IDUA: variants seen among roughly 807,000 people sequenced by gnomAD.
The protein encoded by IDUA is alpha-L-iduronidase, also known as iduronidase alpha-L-.
In IDUA, 65 loss-of-function variants were observed where a neutral mutation model predicts 68.9. The observed-to-expected ratio is 0.94, with a 90% CI of 0.77 to 1.16. IDUA has a LOEUF of 1.16. IDUA is among the 50% of genes most tolerant of loss of function. The pLI is 0.00. For missense variants in IDUA, 1,046 were observed against 938.0 expected (o/e 1.12, Z -1.50); for synonymous variants, 529 against 433.6 (o/e 1.22, Z -2.73).
chr4:999,104 C>G (rs1009647301), intron 2 of IDUA, among the ~76,000 whole-genome samples: 17 of 151,764 alleles, frequency 1.1e-4, no homozygotes, highest in African/African-American at 2.7e-4. Context: ...ACTCAGGAGG[C>G]TGAGGCAGGA....
intron 2 of IDUA, chr4:988,258 T>A: frequency 1.6e-6 from 2 of 1,241,604 alleles, no homozygotes; most frequent in South Asian, 4.1e-5. Flanking sequence ...GTAGGGCCAC[T>A]GCACCTGAGG....
chr4:994,266 G>A (rs939630029), intron 2 of IDUA, among the ~76,000 whole-genome samples: 76 of 151,086 alleles, frequency 5.0e-4, no homozygotes, highest in African/African-American at 1.6e-3. Context: ...ATAGTGAGAC[G>A]CCCCCCACCT....
chr4:991,547 G>C lies in IDUA; in HGVS notation c.299+3598G>C, dbSNP rs1306642390. The stretch of plus-strand genomic sequence containing the variant: ...CGCAGCCAGCGCGTGGCGGGGAGCA[G>C]GTCCTGCACCAGCGCCCGGACGCAC... On this transcript the variant is annotated intron_variant, in intron 2 of 13. Coordinates refer to ENST00000514224, the MANE Select transcript of IDUA (RefSeq NM_000203.5). 4 of 1,605,584 alleles carry C rather than the reference G, an allele frequency of 2.5e-6. No individual in the cohort carries two copies. The Admixed American group carries it at 5.0e-5, about 20-fold the overall frequency.
chr4:993,166 G>C (rs1231880473), intron 2 of IDUA: 3 of 152,256 alleles, frequency 2.0e-5, no homozygotes, highest in Admixed American at 6.5e-5. Flanking sequence ...CCAGGTGTGT[G>C]GAATGGGGAC....
chr4:990,700 A>T, intron 2 of IDUA: 1 of 414,940 alleles, frequency 2.4e-6, no homozygotes, highest in Non-Finnish European at 4.3e-6. Flanking sequence ...CTTCCTACAC[A>T]TGGTGCCCAC....
intron 6 of IDUA, 28 bp downstream of exon 6, chr4:1,001,909 G>T (rs772367502): frequency 8.9e-6 from 14 of 1,570,380 alleles, no homozygotes. Flanking sequence ...GTCCGCCCCG[G>T]TGTTCTGCGC....
intron 2 of IDUA, among the ~76,000 whole-genome samples, chr4:995,026 C>T (rs960794871): frequency 6.6e-5 from 10 of 151,560 alleles, no homozygotes; most frequent in South Asian, 4.2e-4. Context: ...GTTTGTAGCG[C>T]TTCACTCCAG....
In IDUA at chr4:991,315, C is replaced by A. The variant is rs1280992893; in HGVS notation, c.299+3366C>A. On this transcript the variant is annotated intron_variant, in intron 2 of 13. Transcript: ENST00000514224. ...GTCCACCACCTGCCCCACCATGAGG[C>A]AAAGCAGGCTGAAGATGCCCACGGA... is the stretch of plus-strand genomic sequence containing the variant. 6.2e-7 allele frequency: 1 copy of A among 1,612,848 alleles called. No individual in the cohort carries two copies. The highest frequency in any genetic ancestry group is 1.7e-5 in the Admixed American group (1 of 60,034).
At chr4:1,003,945 G>C in intron 12 of IDUA, 67 bp from the exon 13 acceptor site, 1 of 1,319,408 alleles carries the variant, frequency 7.6e-7, no homozygotes, top group Non-Finnish European at 1.1e-6. Context: ...ACGCGGCCGT[G>C]CCCTGCCTGC....
chr4:1,002,237 C>T, intron 7 of IDUA, 32 bp from the exon 8 acceptor site: 1 of 1,594,396 alleles, frequency 6.3e-7, no homozygotes, highest in Non-Finnish European at 8.5e-7. Flanking sequence ...GTGGCCGCGC[C>T]ACCCGGTCCC....
chr4:989,892 G>T, intron 2 of IDUA: 1 of 1,568,242 alleles, frequency 6.4e-7, no homozygotes, highest in South Asian at 1.2e-5. Flanking sequence ...CAGCCACGAG[G>T]GCCAGGGCCA....
intron 2 of IDUA, among the ~76,000 whole-genome samples, chr4:999,481 G>A (rs1006407498): frequency 4.6e-5 from 7 of 152,244 alleles, no homozygotes; most frequent in African/African-American, 1.2e-4. Flanking sequence ...GGCTGGTCCC[G>A]TTGCATGGTA....
intron 2 of IDUA, chr4:991,308 C>T (rs774817062): frequency 5.6e-6 from 9 of 1,612,670 alleles, no homozygotes; most frequent in Middle Eastern, 1.6e-4. Flanking sequence ...CCTGCCCCAC[C>T]ATGAGGCAAA....
intron 12 of IDUA, 94 bp downstream of exon 12, chr4:1,003,719 C>G (rs1242679090): frequency 5.1e-6 from 7 of 1,375,646 alleles, no homozygotes; most frequent in South Asian, 2.4e-5. Context: ...GGCCACTTGC[C>G]GTGGCCCATC....
rs949657986 is a variant in IDUA at position 1,004,187 on chromosome 4, C to G, written c.1829-73C>G. On this transcript the variant is annotated intron_variant, in intron 13 of 13. Transcript: ENST00000514224. The surrounding 1 kb of genome is among the most constrained non-coding windows in gnomAD (Gnocchi z 5.0). ...TCAGGGCAGTACTGGGTGGGGGCCT[C>G]GAGAAGCCTGGGGTCAGGGGGCTTT... is the stretch of plus-strand genomic sequence containing the variant. The G allele has an allele frequency of 6.2e-6, 10 of 1,611,244 alleles. No individual in the cohort carries two copies. Among genetic ancestry groups the G allele is most frequent in the Non-Finnish European group, 8.5e-6 (10 of 1,179,616 alleles).
In IDUA at chr4:1,003,142, C is replaced by T; in HGVS notation, c.1509C>T (p.Arg503=). The T allele has an allele frequency of 6.9e-7, 1 of 1,449,652 alleles. No homozygotes were observed. Among genetic ancestry groups the T allele is most frequent in the Non-Finnish European group, 9.0e-7 (1 of 1,105,274 alleles). The allele number at this position is 1,449,652 out of a possible 1,614,324, so 89.8% of individuals were successfully genotyped here. The change falls in exon 10 of 14, where the codon CGC becomes CGT. Residue 503 remains arginine (R), a synonymous_variant. Transcript: ENST00000514224. The part of the protein sequence containing the change: ...PVFPTAEQFR[R]MRAAEDPVAA... Reference sequence around the variant, plus strand: ...TCCCCACGGCAGAGCAGTTCCGGCGCATGCGCGCGGCTGAGGTAGGTGGGC... The same window carrying T: ...TCCCCACGGCAGAGCAGTTCCGGCGTATGCGCGCGGCTGAGGTAGGTGGGC...
At position 987,938 on chromosome 4, in the gene IDUA, T is replaced by TG; in HGVS notation, c.289dup (p.Val97GlyfsTer35). On this transcript the variant is annotated frameshift_variant, in exon 2 of 14. Coordinates refer to ENST00000514224, the MANE Select transcript of IDUA (RefSeq NM_000203.5). LOFTEE classifies it high-confidence loss of function. ...TCCGGACCCACTGGCTGCTGGAGCT[T>TG]GTCACCACCAGGTGGGCGGCGGGCA... The TG allele has an allele frequency of 6.3e-7, 1 of 1,586,512 alleles. No individual in the cohort carries two copies. The highest frequency in any genetic ancestry group is 8.6e-7 in the Non-Finnish European group (1 of 1,166,804).
At chr4:991,667 C>A in intron 2 of IDUA, 1 of 1,539,182 alleles carries the variant, frequency 6.5e-7, no homozygotes, top group Non-Finnish European at 8.7e-7. Flanking sequence ...GGCACCGGCC[C>A]TCTGCCCTGC....
chr4:991,271 C>CGGCCAGCTGGAGCTCCCG, intron 2 of IDUA: 1 of 1,612,660 alleles, frequency 6.2e-7, no homozygotes. Flanking sequence ...GGGTCAAAGC[C>CGGCCAGCTGGAGCTCCCG]GGCCAGCTGG....
Sources: gnomAD v4.1 joint callset for allele counts (sites outside exome capture counted in the v4.1 genomes callset) on GRCh38, gnomAD v4.1.1 for gene constraint, Gnocchi (gnomAD v3.1) non-coding constraint, MANE v1.5 for transcripts, NCBI Gene and HGNC (gene_info 2026-07-23, HGNC 2026-07-21) for gene names.